The following RMDN2 variants were observed in gnomAD, a reference collection of about 807,000 sequenced individuals.
RMDN2 encodes the protein regulator of microtubule dynamics protein 2.
Under a neutral mutation model 52.8 loss-of-function variants are expected in RMDN2, and 61 were observed. That is an observed-to-expected ratio of 1.16 (90% CI 0.94 to 1.43). RMDN2 has a LOEUF of 1.43. Among genes scored for constraint, RMDN2 ranks in the 40% most tolerant of loss-of-function variants. RMDN2 has a pLI of 0.00. For synonymous variants in RMDN2, 180 were observed against 153.1 expected, an observed-to-expected ratio of 1.18 and a Z score of -1.30; for missense variants, 592 against 475.3, an observed-to-expected ratio of 1.25 and a Z score of -2.28.
chr2:37,982,242 C>T (rs939713687), intron 5 of RMDN2, among the ~76,000 whole-genome samples: 23 of 152,192 alleles, frequency 1.5e-4, no homozygotes, highest in African/African-American at 3.4e-4. Context: ...GAAGTACAAA[C>T]CATTTCCTCA....
intron 10 of RMDN2, among the ~76,000 whole-genome samples, chr2:38,011,480 T>C (rs1328001801): frequency 2.0e-5 from 3 of 151,918 alleles, no homozygotes; most frequent in Non-Finnish European, 4.4e-5. Context: ...AATGCCTCAG[T>C]AAAAAAAACC....
chr2:37,934,534 A>T (rs111399219), intron 2 of RMDN2, among the ~76,000 whole-genome samples: 1 of 152,002 alleles, frequency 6.6e-6, no homozygotes, highest in Non-Finnish European at 1.5e-5. Flanking sequence ...TTACTGATTT[A>T]TTTATTTATA....
chr2:38,020,204 A>C (rs992671212), downstream of RMDN2, among the ~76,000 whole-genome samples: 6 of 152,130 alleles, frequency 3.9e-5, no homozygotes, highest in Admixed American at 6.5e-5. Flanking sequence ...ATTACAGTGT[A>C]ATATATAATG....
At chr2:38,003,546 T>TA (rs374190382) in intron 8 of RMDN2, among the ~76,000 whole-genome samples, 10 of 132,378 alleles carry the variant, frequency 7.6e-5, no homozygotes, top group African/African-American at 2.8e-5. Context: ...AAGCAAGACC[T>TA]GATAGATAGA....
chr2:37,962,002 CTGGG>C (rs1010999840), intron 2 of RMDN2, among the ~76,000 whole-genome samples: 14 of 152,206 alleles, frequency 9.2e-5, no homozygotes, highest in African/African-American at 3.1e-4. Context: ...CACTGTTTGC[CTGGG>C]TATCACCAGC....
At position 38,017,478 on chromosome 2, in the gene RMDN2, T is replaced by A; in HGVS notation, c.*239T>A. On this transcript the variant is annotated 3_prime_UTR_variant, in exon 11 of 11. Transcript: ENST00000354545. ...TCTATAAACATGTATGCTTTATATTTTTCTTATCAATAAACTGCAGCCTTA... is the reference window on the plus strand; with the variant it reads ...TCTATAAACATGTATGCTTTATATTATTCTTATCAATAAACTGCAGCCTTA... 1 of 1,118,934 alleles carries A rather than the reference T, an allele frequency of 8.9e-7. No homozygotes were observed. Among genetic ancestry groups the A allele is most frequent in the Admixed American group, 3.5e-5 (1 of 28,612 alleles). 69.3% of individuals were successfully genotyped at this position (1,118,934 alleles called of 1,614,324 possible).
Position 37,929,560 on chromosome 2 carries a change from TTTC to T in RMDN2, c.286_288del (p.Leu96del). ...GGAAGAACTCAAAGAGGAAATCAGATTTCTTAAAGAAGCTATTCCAAAGCTGGA... is the reference window on the plus strand; with the variant it reads ...GGAAGAACTCAAAGAGGAAATCAGATTTAAAGAAGCTATTCCAAAGCTGGA... On this transcript the variant is annotated inframe_deletion, in exon 2 of 11. Transcript: ENST00000354545. The T allele has an allele frequency of 6.4e-7, 1 of 1,551,914 alleles. No homozygotes were observed. The highest frequency in any genetic ancestry group is 8.7e-7 in the Non-Finnish European group (1 of 1,147,012).
downstream of RMDN2, among the ~76,000 whole-genome samples, chr2:38,021,038 C>G (rs1418532868): frequency 2.0e-5 from 3 of 152,208 alleles, no homozygotes; most frequent in Non-Finnish European, 2.9e-5. Flanking sequence ...CCAATCAGCA[C>G]TCTGTATCTA....
intron 7 of RMDN2, among the ~76,000 whole-genome samples, chr2:37,995,061 T>G (rs1334380063): frequency 2.6e-5 from 4 of 152,186 alleles, no homozygotes; most frequent in African/African-American, 9.7e-5. Context: ...ATATTGGTTG[T>G]TGTGGCAGTT....
In RMDN2 at chr2:38,038,683, C is replaced by T. The variant is rs1467467107; in HGVS notation, c.1714-28299C>T. The stretch of plus-strand genomic sequence containing the variant: ...AATAAAACCTGCCACATGGCAGGCA[C>T]CCAGTAAAAGCCTTTTGGAATCGGA... On this transcript the variant is annotated intron_variant, in intron 10 of 10. Transcript: ENST00000234195. Among the ~76,000 whole-genome samples, 3 of 152,188 alleles carry T rather than the reference C, an allele frequency of 2.0e-5. No individual in the cohort carries two copies. In the East Asian group the frequency reaches 5.8e-4, roughly 29 times the overall value.
chr2:38,034,833 AG>A lies in RMDN2; in HGVS notation c.1713+30618del, dbSNP rs1680467903. Among the ~76,000 whole-genome samples, 4 of 150,266 alleles carry A rather than the reference AG, an allele frequency of 2.7e-5. No homozygotes were observed. In the East Asian group the frequency reaches 7.8e-4, roughly 29 times the overall value. Reference sequence around the variant, plus strand: ...GTTTTCTTGATTTTAAAATTTAATAAGTAGAAATAAAGGAATACTGTTTTAA... The same window carrying A: ...GTTTTCTTGATTTTAAAATTTAATAATAGAAATAAAGGAATACTGTTTTAA... On this transcript the variant is annotated intron_variant, in intron 10 of 10. Transcript: ENST00000234195.
At chr2:37,944,618 C>T (rs976223968) in intron 2 of RMDN2, among the ~76,000 whole-genome samples, 1 of 152,106 alleles carries the variant, frequency 6.6e-6, no homozygotes, top group African/African-American at 2.4e-5. Context: ...TAGGAGGTCA[C>T]TTATTGAGAA....
chr2:38,002,641 A>G (rs972958778), intron 8 of RMDN2, among the ~76,000 whole-genome samples: 1 of 152,200 alleles, frequency 6.6e-6, no homozygotes, highest in African/African-American at 2.4e-5. Context: ...TCAAAAGCCA[A>G]ATATCTGTTT....
At chr2:38,015,488 C>T (rs1242507986) in intron 10 of RMDN2, among the ~76,000 whole-genome samples, 1 of 151,776 alleles carries the variant, frequency 6.6e-6, no homozygotes, top group East Asian at 1.9e-4. Context: ...TCACTTGAAC[C>T]CGGAAGGCGG....
chr2:37,956,810 C>G (rs139852045), intron 2 of RMDN2, among the ~76,000 whole-genome samples: 9 of 151,844 alleles, frequency 5.9e-5, no homozygotes, highest in African/African-American at 1.9e-4. Flanking sequence ...TCCCCTTGCT[C>G]CCCACCCCCA....
intron 2 of RMDN2, among the ~76,000 whole-genome samples, chr2:37,960,448 G>A (rs548876412): frequency 5.3e-4 from 80 of 152,122 alleles, no homozygotes; most frequent in Middle Eastern, 3.4e-3. Context: ...TTTTATCAGA[G>A]ACTAGGATTG....
Position 37,999,727 on chromosome 2 carries a change from G to A in RMDN2, c.1044+2213G>A, listed in dbSNP as rs77541942. 9.3e-4 allele frequency among the ~76,000 whole-genome samples: 141 copies of A among 152,172 alleles called. 2 individuals carry two copies. In the East Asian group the frequency reaches 0.023, roughly 25 times the overall value. The stretch of plus-strand genomic sequence containing the variant: ...CCCGGGTCCTACAACACAGGAGGCC[G>A]TGTTGTTGGTACCCAGACTGCCCCG... On this transcript the variant is annotated intron_variant, in intron 8 of 10. Coordinates refer to ENST00000354545, the MANE Select transcript of RMDN2 (RefSeq NM_001170791.3).
intron 8 of RMDN2, 38 bp from the exon 9 acceptor site, chr2:38,003,953 T>G (rs753336971): frequency 2.7e-6 from 4 of 1,456,430 alleles, no homozygotes; most frequent in Non-Finnish European, 3.9e-6. Context: ...TATTTTAATA[T>G]TGCCCTGTTA....
At chr2:38,012,503 G>A in intron 10 of RMDN2, 1 of 411,886 alleles carries the variant, frequency 2.4e-6, no homozygotes, top group Non-Finnish European at 4.9e-6. Flanking sequence ...ATAATAAAGA[G>A]GACTCCTAAT....
Sources: gnomAD v4.1 joint callset for allele counts (sites outside exome capture counted in the v4.1 genomes callset) on GRCh38, gnomAD v4.1.1 for gene constraint, MANE v1.5 for transcripts, NCBI Gene and HGNC (gene_info 2026-07-23, HGNC 2026-07-21) for gene names.